LRRTM3: variants seen among roughly 807,000 people sequenced by gnomAD.
LRRTM3 encodes leucine-rich repeat transmembrane neuronal protein 3.
In LRRTM3, 24 loss-of-function variants were observed where a neutral mutation model predicts 44.7. That is an observed-to-expected ratio of 0.54 (90% CI 0.39 to 0.76). LRRTM3 has a LOEUF of 0.76. Among genes scored for constraint, LRRTM3 ranks in the 30% least tolerant of loss-of-function variants. The pLI, the probability that LRRTM3 is intolerant of heterozygous loss-of-function variation, is 0.00. For missense variants in LRRTM3, 587 were observed against 702.2 expected, an observed-to-expected ratio of 0.84 and a Z score of 1.85; for synonymous variants, 277 against 278.7, an observed-to-expected ratio of 0.99 and a Z score of 0.06.
intron 2 of LRRTM3, among the ~76,000 whole-genome samples, chr10:67,088,819 G>GGCAAA (rs1278707666): frequency 6.6e-5 from 10 of 151,878 alleles, no homozygotes; most frequent in Non-Finnish European, 1.3e-4. Flanking sequence ...TTTATATTGA[G>GGCAAA]TTCCTGCCTT....
chr10:67,085,226 T>G (rs1462993175), intron 2 of LRRTM3, among the ~76,000 whole-genome samples: 3 of 151,884 alleles, frequency 2.0e-5, no homozygotes, highest in African/African-American at 7.2e-5. Flanking sequence ...AAGCCATAGT[T>G]GAAAGAAAAT....
At chr10:67,008,695 C>CT (rs1852151694) in intron 2 of LRRTM3, among the ~76,000 whole-genome samples, 4 of 152,144 alleles carry the variant, frequency 2.6e-5, no homozygotes, top group African/African-American at 7.2e-5. Context: ...GCTAGGATAG[C>CT]ACATCTCTGC....
intron 2 of LRRTM3, among the ~76,000 whole-genome samples, chr10:66,948,463 C>T (rs2132710154): frequency 1.3e-5 from 2 of 152,304 alleles, no homozygotes; most frequent in Middle Eastern, 6.8e-3. Context: ...CCTGTTACTA[C>T]ATGTGTTATG....
intron 2 of LRRTM3, among the ~76,000 whole-genome samples, chr10:67,072,103 C>A (rs1305796052): frequency 6.6e-6 from 1 of 152,132 alleles, no homozygotes; most frequent in African/African-American, 2.4e-5. Context: ...CAGACATGCA[C>A]CACCAAGCCC....
At chr10:67,067,517 T>C (rs1487966854) in intron 2 of LRRTM3, among the ~76,000 whole-genome samples, 4 of 152,222 alleles carry the variant, frequency 2.6e-5, no homozygotes, top group Non-Finnish European at 5.9e-5. Flanking sequence ...ATCAGAAATA[T>C]GTGCATAAAA....
At position 66,928,128 on chromosome 10, in the gene LRRTM3, C is replaced by G. The variant is rs572396086; in HGVS notation, c.1212C>G (p.Pro404=). ...PLPPTVGATE[P]GPETDADAEH... Reference sequence around the variant, plus strand: ...CCCCGACGGTGGGAGCCACAGAGCCCGGCCCAGAGACCGATGCTGACGCCG... The same window carrying G: ...CCCCGACGGTGGGAGCCACAGAGCCGGGCCCAGAGACCGATGCTGACGCCG... Residue 404 remains proline (P), a synonymous_variant, in exon 2 of 3, where the codon CCC becomes CCG. Coordinates refer to ENST00000361320, the MANE Select transcript of LRRTM3 (RefSeq NM_178011.5). The G allele has an allele frequency of 3.1e-6, 5 of 1,613,822 alleles. No homozygotes were observed. The highest frequency in any genetic ancestry group is 3.3e-5 in the Admixed American group (2 of 59,974).
chr10:67,074,439 C>A (rs1589700359), intron 2 of LRRTM3, among the ~76,000 whole-genome samples: 1 of 150,708 alleles, frequency 6.6e-6, no homozygotes, highest in Non-Finnish European at 1.5e-5. Flanking sequence ...CAAGCTCCAC[C>A]TCCCGGGTTC....
chr10:67,074,991 C>G (rs1856673484), intron 2 of LRRTM3, among the ~76,000 whole-genome samples: 1 of 152,156 alleles, frequency 6.6e-6, no homozygotes, highest in African/African-American at 2.4e-5. Flanking sequence ...AATTGATTCT[C>G]TCTCTTTTGG....
At chr10:67,079,282 T>C (rs1856911324) in intron 2 of LRRTM3, among the ~76,000 whole-genome samples, 1 of 152,156 alleles carries the variant, frequency 6.6e-6, no homozygotes, top group Non-Finnish European at 1.5e-5. Flanking sequence ...TAAGAAACTA[T>C]CATAAATACA....
intron 2 of LRRTM3, among the ~76,000 whole-genome samples, chr10:67,014,185 T>C (rs1215137595): frequency 6.6e-6 from 1 of 152,226 alleles, no homozygotes; most frequent in Non-Finnish European, 1.5e-5. Flanking sequence ...TTCTTCACCA[T>C]GCATGCTTTA....
At position 67,048,943 on chromosome 10, in the gene LRRTM3, G is replaced by C. The variant is rs184320741; in HGVS notation, c.1537-48644G>C. On this transcript the variant is annotated intron_variant, in intron 2 of 2. Transcript: ENST00000361320. Reference sequence around the variant, plus strand: ...TAGTCATTCCTTAATTTTATACTTAGTTATTCCTTAGTTATTCTTAGTTAT... The same window carrying C: ...TAGTCATTCCTTAATTTTATACTTACTTATTCCTTAGTTATTCTTAGTTAT... Among the ~76,000 whole-genome samples the C allele has an allele frequency of 8.8e-5, 13 of 148,240 alleles. No homozygotes were observed. In the East Asian group the frequency reaches 1.9e-3, roughly 22 times the overall value.
At chr10:66,972,726 T>A (rs948813920) in intron 2 of LRRTM3, among the ~76,000 whole-genome samples, 30 of 86,648 alleles carry the variant, frequency 3.5e-4, no homozygotes, top group Non-Finnish European at 7.0e-4. Context: ...TTTTTTTTTT[T>A]ATGAAATGGA....
chr10:66,989,150 G>A (rs1040738633), intron 2 of LRRTM3, among the ~76,000 whole-genome samples: 9 of 152,022 alleles, frequency 5.9e-5, no homozygotes, highest in African/African-American at 2.2e-4. Flanking sequence ...TGAAGAATCC[G>A]ACTTGGAGTA....
intron 2 of LRRTM3, among the ~76,000 whole-genome samples, chr10:66,992,682 T>C (rs904964323): frequency 6.6e-6 from 1 of 152,294 alleles, no homozygotes; most frequent in East Asian, 1.9e-4. Flanking sequence ...AGTTTTAACA[T>C]TTTGTTGATC....
At chr10:66,983,043 T>C (rs1271635662) in intron 2 of LRRTM3, among the ~76,000 whole-genome samples, 8 of 152,252 alleles carry the variant, frequency 5.3e-5, no homozygotes, top group Non-Finnish European at 8.8e-5. Flanking sequence ...GAGCAGCGAC[T>C]GCCGAACTTC....
intron 2 of LRRTM3, among the ~76,000 whole-genome samples, chr10:66,958,520 T>A (rs1270860235): frequency 6.6e-6 from 1 of 152,090 alleles, no homozygotes; most frequent in Non-Finnish European, 1.5e-5. Context: ...TTGTCACAAA[T>A]GTGCAGCTGG....
intron 2 of LRRTM3, among the ~76,000 whole-genome samples, chr10:66,993,023 C>A (rs912098810): frequency 6.6e-6 from 1 of 152,020 alleles, no homozygotes; most frequent in African/African-American, 2.4e-5. Context: ...TCTAAAAAAT[C>A]ATTATTTTCC....
chr10:66,945,374 C>T (rs1161117095), intron 2 of LRRTM3, among the ~76,000 whole-genome samples: 2 of 152,196 alleles, frequency 1.3e-5, no homozygotes, highest in Non-Finnish European at 2.9e-5. Flanking sequence ...ACCTCATGAA[C>T]CAACCTCTTC....
rs1564807984 is a variant in LRRTM3 at position 66,978,063 on chromosome 10, TATATAC to T, written c.1536+49613_1536+49618del. Among the ~76,000 whole-genome samples the T allele has an allele frequency of 3.3e-3, 324 of 97,412 alleles. 4 individuals are homozygous for T. The East Asian group carries it at 0.037, about 11-fold the overall frequency. 63.9% of individuals were successfully genotyped at this position (97,412 alleles called of 152,430 possible). On this transcript the variant is annotated intron_variant, in intron 2 of 2. Transcript: ENST00000361320. ...ATAAATTTGCACACACATATATATATATATACACACACACACACACACACACACATG... is the reference window on the plus strand; with the variant it reads ...ATAAATTTGCACACACATATATATATACACACACACACACACACACACATG...
Sources: allele counts gnomAD v4.1 joint callset (sites outside exome capture counted in the v4.1 genomes callset), GRCh38; gene constraint gnomAD v4.1.1; transcripts MANE v1.5; gene names NCBI Gene and HGNC (gene_info 2026-07-23, HGNC 2026-07-21).